NCF4: variants seen among roughly 807,000 people sequenced by gnomAD.
The protein encoded by NCF4 is neutrophil cytosolic factor 4, also known as neutrophil cytosol factor 4.
In NCF4, 30 loss-of-function variants were observed where a neutral mutation model predicts 41.7. The observed-to-expected ratio is 0.72, with a 90% CI of 0.54 to 0.97. The LOEUF (loss-of-function observed/expected upper bound fraction) is 0.97, where lower values mean the gene tolerates loss of function less well. NCF4 is among the 50% of genes least tolerant of loss of function. NCF4 has a pLI of 0.00. For missense variants in NCF4, 432 were observed against 460.9 expected (o/e 0.94, Z 0.57); for synonymous variants, 195 against 175.8 (o/e 1.11, Z -0.87).
chr22:36,877,294 G>A (rs1035670620), intron 9 of NCF4, among the ~76,000 whole-genome samples: 2 of 151,932 alleles, frequency 1.3e-5, no homozygotes. Flanking sequence ...ATACTACCTC[G>A]CCCAGCTAAT....
intron 3 of NCF4, among the ~76,000 whole-genome samples, chr22:36,867,139 G>GTGTA (rs1939946234): frequency 6.6e-6 from 1 of 151,648 alleles, no homozygotes; most frequent in Non-Finnish European, 1.5e-5. Flanking sequence ...GTGTGTGTGT[G>GTGTA]TGTGCGCTTG....
intron 5 of NCF4, among the ~76,000 whole-genome samples, chr22:36,871,244 G>C (rs1486590824): frequency 6.6e-6 from 1 of 152,170 alleles, no homozygotes; most frequent in African/African-American, 2.4e-5. Context: ...GCAGCCGCAG[G>C]CCCCAGAGCA....
chr22:36,875,128 C>G (rs1569116300), intron 7 of NCF4, among the ~76,000 whole-genome samples: 1 of 152,166 alleles, frequency 6.6e-6, no homozygotes, highest in Non-Finnish European at 1.5e-5. Flanking sequence ...CTGCCAGGTT[C>G]AAGTGATTCT....
intron 3 of NCF4, among the ~76,000 whole-genome samples, chr22:36,866,709 ATGGT>A (rs894122769): frequency 1.3e-5 from 2 of 152,112 alleles, no homozygotes; most frequent in Non-Finnish European, 2.9e-5. Context: ...CTCTTGGTGA[ATGGT>A]TCCACCAGTG....
In NCF4 at chr22:36,877,830, G is replaced by A. The variant is rs750868959; in HGVS notation, c.*7G>A. 1.4e-5 allele frequency: 23 copies of A among 1,611,148 alleles called. No homozygotes were observed. The East Asian group carries it at 3.4e-4, about 23-fold the overall frequency. On this transcript the variant is annotated 3_prime_UTR_variant, in exon 10 of 10. Coordinates refer to ENST00000248899, the MANE Select transcript of NCF4 (RefSeq NM_000631.5). ...CTACAACACGATGCCATGAGCTGAC[G>A]GTGTCCCTGGAGCAGTGAGGGGACA... is the stretch of plus-strand genomic sequence containing the variant.
intron 1 of NCF4, 83 bp from the exon 2 acceptor site, chr22:36,863,962 C>G: frequency 7.6e-7 from 1 of 1,316,598 alleles, no homozygotes; most frequent in Non-Finnish European, 1.1e-6. Flanking sequence ...CATTAGTTTG[C>G]TTTGCACTCT....
intron 2 of NCF4, among the ~76,000 whole-genome samples, chr22:36,864,439 A>G (rs1207357757): frequency 6.6e-6 from 1 of 152,168 alleles, no homozygotes; most frequent in Non-Finnish European, 1.5e-5. Flanking sequence ...AAGATTGAGA[A>G]ATCCTGATCG....
At chr22:36,874,112 G>A (rs1178387466) in intron 7 of NCF4, among the ~76,000 whole-genome samples, 4 of 152,328 alleles carry the variant, frequency 2.6e-5, no homozygotes, top group East Asian at 1.9e-4. Context: ...CTGGGTGTGC[G>A]GCGCCTGGCC....
At chr22:36,863,347 G>A (rs866895260) in intron 1 of NCF4, among the ~76,000 whole-genome samples, 2 of 151,748 alleles carry the variant, frequency 1.3e-5, no homozygotes, top group East Asian at 2.0e-4. Flanking sequence ...GGGAAGGAGC[G>A]GAGCACAGCT....
intron 3 of NCF4, 37 bp from the exon 4 acceptor site, chr22:36,867,355 G>A: frequency 1.2e-6 from 2 of 1,612,980 alleles, no homozygotes; most frequent in Non-Finnish European, 1.7e-6. Context: ...GGCCATGTTG[G>A]GCCAGGCTCC....
At chr22:36,863,325 T>C in intron 1 of NCF4, among the ~76,000 whole-genome samples, 1 of 151,760 alleles carries the variant, frequency 6.6e-6, no homozygotes, top group African/African-American at 2.4e-5. Flanking sequence ...CCTGTCCCCA[T>C]TTTACAGAGG....
At chr22:36,874,940 T>C (rs1311030146) in intron 7 of NCF4, among the ~76,000 whole-genome samples, 1 of 152,234 alleles carries the variant, frequency 6.6e-6, no homozygotes, top group Non-Finnish European at 1.5e-5. Context: ...TCTGACTCAC[T>C]GGATAGGTCA....
At chr22:36,871,804 T>A (rs1940063233) in intron 6 of NCF4, 95 bp downstream of exon 6, 2 of 1,385,492 alleles carry the variant, frequency 1.4e-6, no homozygotes, top group Non-Finnish European at 2.0e-6. Context: ...TGGGTGCTGC[T>A]GTGTGCCTGG....
At chr22:36,871,015 C>T (rs1029115927) in intron 5 of NCF4, among the ~76,000 whole-genome samples, 1 of 152,220 alleles carries the variant, frequency 6.6e-6, no homozygotes, top group Admixed American at 6.5e-5. Flanking sequence ...AAAAGCCCAT[C>T]CTTCCCACCA....
At chr22:36,867,637 G>C (rs1321222872) in intron 4 of NCF4, among the ~76,000 whole-genome samples, 175 bp downstream of exon 4, 1 of 152,200 alleles carries the variant, frequency 6.6e-6, no homozygotes, top group Non-Finnish European at 1.5e-5. Context: ...TGCGTCCTTA[G>C]GGTTCCAGAG....
rs147322774 is a variant in NCF4, at chr22:36,864,062, C to T, written c.50C>T (p.Pro17Leu). Residue 17 changes from proline to leucine, a missense_variant, in exon 2 of 10, where the codon CCG becomes CTG. Physicochemically the swap from Pro to Leu is moderately conservative, Grantham distance 98. Transcript: ENST00000248899. Reference sequence around the variant, plus strand: ...TCGCACAGTGACTTTGAACAGCTTCCGGATGATGTTGCCATCTCGGCCAAC... The same window carrying T: ...TCGCACAGTGACTTTGAACAGCTTCTGGATGATGTTGCCATCTCGGCCAAC... ...LRAESDFEQL[P>L]DDVAISANIA... 210 of 1,614,028 alleles carry T rather than the reference C, an allele frequency of 1.3e-4. No individual in the cohort carries two copies. Among genetic ancestry groups the T allele is most frequent in the Non-Finnish European group, 1.6e-4 (188 of 1,180,016 alleles).
intron 3 of NCF4, among the ~76,000 whole-genome samples, chr22:36,866,149 C>T (rs2145707558): frequency 6.6e-6 from 1 of 152,282 alleles, no homozygotes; most frequent in Middle Eastern, 3.4e-3. Flanking sequence ...CCCCCAGGGC[C>T]CCCAAAGTTC....
At position 36,875,794 on chromosome 22, in the gene NCF4, TG is replaced by T; in HGVS notation, c.758+14del. ...CATCAGCACCATCAAGTCTGTGGCCTGGGAGGGAGGGGCCTGTCCAGCCTTC... is the reference window on the plus strand; with the variant it reads ...CATCAGCACCATCAAGTCTGTGGCCTGGAGGGAGGGGCCTGTCCAGCCTTC... On this transcript the variant is annotated intron_variant, in intron 8 of 9. Coordinates refer to ENST00000248899, the MANE Select transcript of NCF4 (RefSeq NM_000631.5). The T allele has an allele frequency of 6.2e-7, 1 of 1,614,196 alleles. No individual in the cohort carries two copies. Among genetic ancestry groups the T allele is most frequent in the African/African-American group, 1.3e-5 (1 of 75,042 alleles).
intron 4 of NCF4, among the ~76,000 whole-genome samples, chr22:36,868,471 G>A (rs1939979328): frequency 6.6e-6 from 1 of 152,226 alleles, no homozygotes; most frequent in Non-Finnish European, 1.5e-5. Context: ...CTTGACTCCT[G>A]ATGGAGGGAA....
Sources: allele counts gnomAD v4.1 joint callset (sites outside exome capture counted in the v4.1 genomes callset), GRCh38; gene constraint gnomAD v4.1.1; transcripts MANE v1.5; gene names NCBI Gene and HGNC (gene_info 2026-07-23, HGNC 2026-07-21).